Variants in GAK observed in about 807,000 individuals in gnomAD.
GAK encodes cyclin G associated kinase, also known as cyclin-G-associated kinase.
In GAK, 79 loss-of-function variants were observed where a neutral mutation model predicts 143.9. The observed-to-expected ratio is 0.55, with a 90% CI of 0.46 to 0.66. GAK has a LOEUF of 0.66. Among genes scored for constraint, GAK ranks in the 30% least tolerant of loss-of-function variants. The pLI is 0.00. For synonymous variants in GAK, 881 were observed against 765.5 expected, an observed-to-expected ratio of 1.15 and a Z score of -2.49; for missense variants, 1,693 against 1,779.7, an observed-to-expected ratio of 0.95 and a Z score of 0.88.
Position 883,478 on chromosome 4 carries a change from C to A in GAK, c.1256-15G>T, listed in dbSNP as rs1430509168. Reference sequence around the variant, plus strand: ...GAATGACATCACTGAAACAAGCAGACCTGCGTCAGCACCTGGGAGATGCGC... The same window carrying A: ...GAATGACATCACTGAAACAAGCAGAACTGCGTCAGCACCTGGGAGATGCGC... On this transcript the variant is annotated splice_polypyrimidine_tract_variant and intron_variant, in intron 12 of 27. Coordinates refer to ENST00000314167, the MANE Select transcript of GAK (RefSeq NM_005255.4). 1.2e-6 allele frequency: 2 copies of A among 1,612,664 alleles called. No homozygotes were observed. Among genetic ancestry groups the A allele is most frequent in the Non-Finnish European group, 8.5e-7 (1 of 1,179,774 alleles).
intron 18 of GAK, chr4:872,286 C>T (rs544144008): frequency 1.3e-5 from 2 of 152,410 alleles, no homozygotes; most frequent in South Asian, 4.1e-4. Context: ...GCAGCGCCCC[C>T]TCAATGCCCA....
At position 883,348 on chromosome 4, in the gene GAK, C is replaced by T. The variant is rs200172491; in HGVS notation, c.1371G>A (p.Pro457=). The change falls in exon 13 of 28, where the codon CCG becomes CCA. Residue 457 remains proline (P), a synonymous_variant. Transcript: ENST00000314167. The part of the protein sequence containing the change: ...PGHYAVYNLS[P]RTYRPSRFHN... Reference sequence around the variant, plus strand: ...GGAACCTGGAGGGCCGGTAGGTCCTCGGGGACAGGTTGTAGACGGCATAGT... The same window carrying T: ...GGAACCTGGAGGGCCGGTAGGTCCTTGGGGACAGGTTGTAGACGGCATAGT... 5.7e-5 allele frequency: 92 copies of T among 1,613,570 alleles called. No individual in the cohort carries two copies. The highest frequency in any genetic ancestry group is 3.8e-4 in the Admixed American group (23 of 60,014).
In GAK at chr4:859,710, GA is replaced by G; in HGVS notation, c.3178del (p.Ser1060LeufsTer96). On this transcript the variant is annotated frameshift_variant, in exon 24 of 28. Transcript: ENST00000314167. LOFTEE classifies it high-confidence loss of function. ...ACAAGGGGCCGGCTGACCTCCAGGA[GA>G]GAAGAGGGGGCCTGGAGAAGGGGCA... ...PTPATEGPLF[S>X]PGGQPAPCGS... The G allele has an allele frequency of 6.3e-7, 1 of 1,592,244 alleles. No individual in the cohort carries two copies. The highest frequency in any genetic ancestry group is 8.6e-7 in the Non-Finnish European group (1 of 1,162,798).
At chr4:870,657 C>T (rs1378575868) in intron 19 of GAK, 54 bp downstream of exon 19, 23 of 1,558,948 alleles carry the variant, frequency 1.5e-5, no homozygotes, top group African/African-American at 2.7e-5. Context: ...GTGTCTCTCT[C>T]CACAGAGACA....
chr4:874,743 G>C (rs993235479), intron 18 of GAK, among the ~76,000 whole-genome samples: 1 of 151,182 alleles, frequency 6.6e-6, no homozygotes, highest in African/African-American at 2.4e-5. Context: ...CATCAGTTTA[G>C]GAAAATTTTT....
intron 5 of GAK, 55 bp downstream of exon 5, chr4:904,582 C>T (rs926971491): frequency 1.9e-5 from 28 of 1,500,664 alleles, no homozygotes; most frequent in East Asian, 2.4e-5. Flanking sequence ...GGCTCCTAAC[C>T]GAGTGGGACC....
rs7693026 is a variant in GAK, at chr4:849,718, G to A, written c.3891C>T (p.Asp1297=). 3.5e-3 allele frequency: 5,567 copies of A among 1,613,412 alleles called. 65 individuals are homozygous for A. The African/African-American group carries it at 0.036, about 10-fold the overall frequency. ...HAKMIFMELN[D]AWSEFENQGS... is the part of the protein sequence containing the mutation. ...CCTGGTTCTCAAACTCCGACCAGGCGTCATTCAGCTCCATGAAGATCATCT... is the reference window on the plus strand; with the variant it reads ...CCTGGTTCTCAAACTCCGACCAGGCATCATTCAGCTCCATGAAGATCATCT... Residue 1297 remains aspartate (D), a synonymous_variant, in exon 28 of 28, where the codon GAC becomes GAT. Coordinates refer to ENST00000314167, the MANE Select transcript of GAK (RefSeq NM_005255.4).
At chr4:873,615 C>A (rs1713176992) in intron 18 of GAK, among the ~76,000 whole-genome samples, 1 of 152,208 alleles carries the variant, frequency 6.6e-6, no homozygotes, top group Non-Finnish European at 1.5e-5. Context: ...GCTGCCTGTA[C>A]TGAAGCCATG....
intron 23 of GAK, among the ~76,000 whole-genome samples, chr4:862,311 A>G (rs2051720693): frequency 6.6e-6 from 1 of 151,906 alleles, no homozygotes; most frequent in East Asian, 1.9e-4. Flanking sequence ...CCACTGATGA[A>G]GCGGCTGCAC....
At chr4:924,720 T>C (rs1724426368) in intron 1 of GAK, among the ~76,000 whole-genome samples, 1 of 152,206 alleles carries the variant, frequency 6.6e-6, no homozygotes, top group African/African-American at 2.4e-5. Flanking sequence ...GTGGCTGCTC[T>C]CAGGATAGTG....
intron 16 of GAK, 40 bp from the exon 17 acceptor site, chr4:877,247 C>T (rs1467648249): frequency 3.8e-6 from 5 of 1,323,330 alleles, no homozygotes; most frequent in South Asian, 1.2e-5. Context: ...TAAAAACCCC[C>T]AAAACCAACC....
rs746811896 is a variant in GAK at position 904,627 on chromosome 4, G to A, written c.525+10C>T. 1.2e-5 allele frequency: 19 copies of A among 1,566,746 alleles called. No homozygotes were observed. Among genetic ancestry groups the A allele is most frequent in the East Asian group, 9.1e-5 (4 of 43,958 alleles). ...AGGCCTTGGCAGCCGCGTGTGGAGGGAGCCACTACCTTGAGGTCCCTGTGG... is the reference window on the plus strand; with the variant it reads ...AGGCCTTGGCAGCCGCGTGTGGAGGAAGCCACTACCTTGAGGTCCCTGTGG... On this transcript the variant is annotated intron_variant, in intron 5 of 27. Transcript: ENST00000314167.
chr4:888,127 G>C (rs558509255), intron 11 of GAK: 1 of 152,392 alleles, frequency 6.6e-6, no homozygotes, highest in East Asian at 1.9e-4. Flanking sequence ...TGGAAGGAAC[G>C]TGGGCCCACC....
intron 23 of GAK, among the ~76,000 whole-genome samples, chr4:864,893 G>T (rs1750880782): frequency 6.6e-6 from 1 of 152,234 alleles, no homozygotes; most frequent in Non-Finnish European, 1.5e-5. Context: ...AGCCACTGCA[G>T]CTCTGGGACA....
chr4:857,621 A>G (rs1019687655), intron 24 of GAK, among the ~76,000 whole-genome samples: 1 of 152,126 alleles, frequency 6.6e-6, no homozygotes, highest in Non-Finnish European at 1.5e-5. Flanking sequence ...ACCCTCGTAG[A>G]GCCTGCGGGG....
intron 23 of GAK, among the ~76,000 whole-genome samples, chr4:862,074 G>A (rs1197388322): frequency 2.0e-5 from 3 of 151,942 alleles, no homozygotes; most frequent in Non-Finnish European, 1.5e-5. Flanking sequence ...TGAAGAGGCT[G>A]CACCCGCCAG....
At chr4:874,604 C>A (rs1053446125) in intron 18 of GAK, among the ~76,000 whole-genome samples, 1 of 151,950 alleles carries the variant, frequency 6.6e-6, no homozygotes, top group African/African-American at 2.4e-5. Context: ...GGAGATTGTT[C>A]TCTTCGGGTT....
chr4:901,196 G>A (rs1034304026), intron 5 of GAK, among the ~76,000 whole-genome samples: 2 of 152,366 alleles, frequency 1.3e-5, no homozygotes, highest in Middle Eastern at 6.8e-3. Flanking sequence ...GCAGGCTGAG[G>A]CGGAATGAGC....
intron 5 of GAK, among the ~76,000 whole-genome samples, chr4:901,642 C>A (rs1177027472): frequency 6.6e-6 from 1 of 152,224 alleles, no homozygotes; most frequent in Non-Finnish European, 1.5e-5. Flanking sequence ...ATTTCAGCAG[C>A]TGGAGGAGCA....
Sources: allele counts gnomAD v4.1 joint callset (sites outside exome capture counted in the v4.1 genomes callset), GRCh38; gene constraint gnomAD v4.1.1; transcripts MANE v1.5; gene names NCBI Gene and HGNC (gene_info 2026-07-23, HGNC 2026-07-21).